PTPRM: variants seen among roughly 807,000 people sequenced by gnomAD.
PTPRM encodes the protein receptor-type tyrosine-protein phosphatase mu.
PTPRM carries 47 observed loss-of-function variants against 186.7 expected under a neutral mutation model. The ratio of observed to expected loss-of-function variants is 0.25; its 90% confidence interval spans 0.20 to 0.32. The LOEUF (loss-of-function observed/expected upper bound fraction) is 0.32. Among genes scored for constraint, PTPRM ranks in the 10% least tolerant of loss-of-function variants. PTPRM has a pLI of 1.00. For missense variants in PTPRM, 1,494 were observed against 1,865.0 expected (o/e 0.80, Z 3.66); for synonymous variants, 668 against 674.9 (o/e 0.99, Z 0.16).
chr18:7,843,710 A>T (rs1041724598), intron 2 of PTPRM, among the ~76,000 whole-genome samples: 1 of 152,162 alleles, frequency 6.6e-6, no homozygotes, highest in Admixed American at 6.6e-5. Context: ...TAACATATGT[A>T]TTTGTCATCT....
intron 7 of PTPRM, among the ~76,000 whole-genome samples, chr18:7,966,493 C>T (rs1027709867): frequency 6.6e-6 from 1 of 151,994 alleles, no homozygotes; most frequent in African/African-American, 2.4e-5. Context: ...CTACAGCTCC[C>T]AGCGTGAGCG....
chr18:8,393,890 G>A (rs998639959), intron 31 of PTPRM, among the ~76,000 whole-genome samples: 2 of 152,130 alleles, frequency 1.3e-5, no homozygotes, highest in African/African-American at 2.4e-5. Flanking sequence ...CCGGGTTCAC[G>A]CCATTCTCCT....
chr18:7,741,998 A>C (rs1218104246), intron 1 of PTPRM: 1 of 152,192 alleles, frequency 6.6e-6, no homozygotes, highest in Non-Finnish European at 1.5e-5. Context: ...AAAATATGAC[A>C]TCTATTAGAA....
chr18:7,761,405 C>A (rs190953240), intron 1 of PTPRM, among the ~76,000 whole-genome samples: 43 of 152,294 alleles, frequency 2.8e-4, no homozygotes, highest in Admixed American at 1.9e-3. Flanking sequence ...GGCAGACACA[C>A]TGACTGAGGA....
chr18:7,804,796 A>G (rs546390589), intron 2 of PTPRM, among the ~76,000 whole-genome samples: 4 of 152,310 alleles, frequency 2.6e-5, no homozygotes, highest in African/African-American at 9.6e-5. Context: ...TGTCTCTTTC[A>G]GTCTTTGTCA....
intron 1 of PTPRM, among the ~76,000 whole-genome samples, chr18:7,748,622 A>G (rs2041060691): frequency 6.6e-6 from 1 of 152,210 alleles, no homozygotes. Flanking sequence ...CTGATACCTT[A>G]TTTAACCCAC....
chr18:8,350,482 G>A (rs1309826643), intron 23 of PTPRM, among the ~76,000 whole-genome samples: 1 of 152,162 alleles, frequency 6.6e-6, no homozygotes, highest in Non-Finnish European at 1.5e-5. Context: ...AGCACCTTCA[G>A]TCCATGCTGG....
rs146934688 is a variant in PTPRM, at chr18:7,769,612, T to C, written c.74-4537T>C. On this transcript the variant is annotated intron_variant, in intron 1 of 32. Coordinates refer to ENST00000580170, the MANE Select transcript of PTPRM (RefSeq NM_001105244.2). Reference sequence around the variant, plus strand: ...GTGGGTGGAGTCCTAGCCACATTTCTAGTGTCCTTTTCTTTGCTCTACTTT... The same window carrying C: ...GTGGGTGGAGTCCTAGCCACATTTCCAGTGTCCTTTTCTTTGCTCTACTTT... 7.0e-4 allele frequency among the ~76,000 whole-genome samples: 106 copies of C among 152,332 alleles called. 1 individual carries two copies. The East Asian group carries it at 0.018, about 25-fold the overall frequency.
chr18:7,898,591 GT>G, intron 3 of PTPRM, among the ~76,000 whole-genome samples: 1 of 152,244 alleles, frequency 6.6e-6, no homozygotes, highest in African/African-American at 2.4e-5. Context: ...TAAACAACTG[GT>G]TTAACCAGTT....
At chr18:8,006,609 A>G (rs1196389944) in intron 7 of PTPRM, among the ~76,000 whole-genome samples, 1 of 152,178 alleles carries the variant, frequency 6.6e-6, no homozygotes, top group Non-Finnish European at 1.5e-5. Context: ...CCAGGAAACC[A>G]TGGGTAGAAC....
intron 14 of PTPRM, among the ~76,000 whole-genome samples, chr18:8,199,647 CACAGGG>C (rs986732859): frequency 9.2e-5 from 14 of 152,182 alleles, no homozygotes; most frequent in Admixed American, 7.9e-4. Flanking sequence ...AGTAATACAT[CACAGGG>C]ACAAGATTCA....
intron 26 of PTPRM, 135 bp from the exon 27 acceptor site, chr18:8,378,130 C>T: frequency 1.1e-6 from 1 of 871,812 alleles, no homozygotes; most frequent in African/African-American, 1.7e-5. Context: ...TCTCCTAGCA[C>T]TTGAGCCCTT....
chr18:8,284,733 G>A (rs920109059), intron 19 of PTPRM, among the ~76,000 whole-genome samples: 4 of 152,196 alleles, frequency 2.6e-5, no homozygotes, highest in African/African-American at 9.6e-5. Flanking sequence ...GGGCAACAGA[G>A]CAAGACTCTG....
At chr18:8,406,012 G>A in intron 32 of PTPRM, 97 bp from the exon 33 acceptor site, 2 of 1,042,352 alleles carry the variant, frequency 1.9e-6, no homozygotes, top group Non-Finnish European at 1.5e-6. Context: ...CTCCCAGATT[G>A]ATGTCTTCCC....
intron 2 of PTPRM, 84 bp from the exon 3 acceptor site, chr18:7,888,022 A>G: frequency 6.6e-7 from 1 of 1,524,568 alleles, no homozygotes; most frequent in South Asian, 1.1e-5. Flanking sequence ...TGCAGTGCCA[A>G]CCCATGTAAA....
At chr18:8,212,005 A>G (rs1000671743) in intron 14 of PTPRM, among the ~76,000 whole-genome samples, 1 of 151,912 alleles carries the variant, frequency 6.6e-6, no homozygotes. Context: ...TTTGTGAGGG[A>G]ATGATGGGCA....
chr18:8,319,338 G>A lies in PTPRM; in HGVS notation c.2956+124G>A. 4.8e-6 allele frequency: 3 copies of A among 627,336 alleles called. No individual in the cohort carries two copies. The Admixed American group carries it at 9.8e-5, about 21-fold the overall frequency. 38.9% of individuals were successfully genotyped at this position (627,336 alleles called of 1,614,324 possible). A position where few individuals can be genotyped will look rare whatever the true frequency, so the allele number is the denominator to read the frequency against. On this transcript the variant is annotated intron_variant, in intron 22 of 32. Coordinates refer to ENST00000580170, the MANE Select transcript of PTPRM (RefSeq NM_001105244.2). Reference sequence around the variant, plus strand: ...TTATTGCGGTTCTAGCCATCGGCAGGTACACTCTTGCCTTCCCATCAGACA... The same window carrying A: ...TTATTGCGGTTCTAGCCATCGGCAGATACACTCTTGCCTTCCCATCAGACA...
At chr18:7,847,172 C>CT (rs5822985) in intron 2 of PTPRM, among the ~76,000 whole-genome samples, 67,917 of 136,618 alleles carry the variant, frequency 0.5, 16,837 homozygotes, top group East Asian at 0.74. Context: ...ACAAATCTGG[C>CT]TTTTTTTTTT....
chr18:8,241,898 A>G (rs943817177), intron 14 of PTPRM, among the ~76,000 whole-genome samples: 2 of 152,198 alleles, frequency 1.3e-5, no homozygotes, highest in African/African-American at 2.4e-5. Flanking sequence ...TGATTTGAGC[A>G]TGCTCTCACA....
Sources: gnomAD v4.1 joint callset for allele counts (sites outside exome capture counted in the v4.1 genomes callset) on GRCh38, gnomAD v4.1.1 for gene constraint, MANE v1.5 for transcripts, NCBI Gene and HGNC (gene_info 2026-07-23, HGNC 2026-07-21) for gene names.